The following MDGA2 variants were observed in gnomAD, a reference collection of about 807,000 sequenced individuals.
The protein encoded by MDGA2 is MAM domain containing glycosylphosphatidylinositol anchor 2.
Under a neutral mutation model 117.8 loss-of-function variants are expected in MDGA2, and 40 were observed. The observed-to-expected ratio is 0.34, with a 90% CI of 0.26 to 0.44. The LOEUF is 0.44. Ranked by LOEUF, MDGA2 falls within the 20% of genes least tolerant of loss-of-function variation. MDGA2 has a pLI of 1.00. For synonymous variants in MDGA2, 452 were observed against 439.0 expected (o/e 1.03, Z -0.37); for missense variants, 1,123 against 1,250.6 (o/e 0.90, Z 1.54).
At chr14:47,392,694 A>G (rs1360119258) in intron 1 of MDGA2, among the ~76,000 whole-genome samples, 1 of 152,138 alleles carries the variant, frequency 6.6e-6, no homozygotes, top group East Asian at 1.9e-4. Context: ...TTACATGGCA[A>G]TGTGGCTCAG....
intron 5 of MDGA2, among the ~76,000 whole-genome samples, chr14:47,119,356 G>A (rs141717546): frequency 6.6e-6 from 1 of 152,016 alleles, no homozygotes; most frequent in Non-Finnish European, 1.5e-5. Flanking sequence ...TGAGCCACCG[G>A]GCCCGGCCCT....
At chr14:47,530,946 A>G (rs1326921268) in intron 1 of MDGA2, among the ~76,000 whole-genome samples, 1 of 152,160 alleles carries the variant, frequency 6.6e-6, no homozygotes, top group Non-Finnish European at 1.5e-5. Flanking sequence ...ACTAAAGTTA[A>G]TTTTCCGTAT....
intron 1 of MDGA2, among the ~76,000 whole-genome samples, chr14:47,322,171 C>G (rs1346355864): frequency 6.6e-6 from 1 of 152,130 alleles, no homozygotes; most frequent in African/African-American, 2.4e-5. Flanking sequence ...AGTGGAGAAA[C>G]AGACTAACAG....
chr14:47,340,682 CAA>C (rs997703162), intron 1 of MDGA2, among the ~76,000 whole-genome samples: 1 of 152,138 alleles, frequency 6.6e-6, no homozygotes, highest in African/African-American at 2.4e-5. Context: ...AGAGCATCAG[CAA>C]AGAGTTTGCT....
At chr14:47,023,198 T>TAAAAAAAAAAAAAAAA (rs71985853) in intron 8 of MDGA2, among the ~76,000 whole-genome samples, 8 of 102,856 alleles carry the variant, frequency 7.8e-5, no homozygotes, top group African/African-American at 2.0e-4. Flanking sequence ...TTCCCACTCG[T>TAAAAAAAAAAAAAAAA]AAAAAAAAAA....
intron 2 of MDGA2, among the ~76,000 whole-genome samples, chr14:47,283,346 C>T (rs564984579): frequency 6.6e-6 from 1 of 152,254 alleles, no homozygotes; most frequent in African/African-American, 2.4e-5. Flanking sequence ...CTGGTATGCT[C>T]TTCTGAGAAG....
intron 1 of MDGA2, among the ~76,000 whole-genome samples, chr14:47,580,697 G>A (rs977912535): frequency 6.6e-6 from 1 of 151,920 alleles, no homozygotes; most frequent in Non-Finnish European, 1.5e-5. Flanking sequence ...TCTCTTGGAA[G>A]TCATTTTTTT....
At position 47,381,996 on chromosome 14, in the gene MDGA2, A is replaced by T. The variant is rs141506240; in HGVS notation, c.281-80446T>A. On this transcript the variant is annotated intron_variant, in intron 1 of 16. Transcript: ENST00000399232. ...GCTACAGTAGCATGGTACTGTTACC[A>T]AAACAGAGATAAAGACCAATGGAAC... 3.5e-4 allele frequency among the ~76,000 whole-genome samples: 54 copies of T among 152,358 alleles called. 1 individual carries two copies. The East Asian group carries it at 8.7e-3, about 24-fold the overall frequency.
chr14:47,076,581 T>TGC (rs1890504738), intron 6 of MDGA2, among the ~76,000 whole-genome samples: 1 of 151,052 alleles, frequency 6.6e-6, no homozygotes, highest in Admixed American at 6.6e-5. Flanking sequence ...TGTGTGTGTG[T>TGC]GTGTGTATTA....
intron 4 of MDGA2, among the ~76,000 whole-genome samples, chr14:47,138,314 CTAAT>C (rs1882554746): frequency 6.6e-6 from 1 of 151,832 alleles, no homozygotes; most frequent in Non-Finnish European, 1.5e-5. Context: ...TGATTATTGT[CTAAT>C]TGTATAATTA....
chr14:47,448,409 G>A (rs1000945268), intron 1 of MDGA2, among the ~76,000 whole-genome samples: 2 of 152,008 alleles, frequency 1.3e-5, no homozygotes, highest in Non-Finnish European at 2.9e-5. Context: ...CAAAGTGCTG[G>A]GATTACAGGC....
intron 6 of MDGA2, among the ~76,000 whole-genome samples, chr14:47,090,723 C>G (rs1165737251): frequency 6.6e-6 from 1 of 152,134 alleles, no homozygotes; most frequent in Admixed American, 6.6e-5. Context: ...CCATGCAGTT[C>G]TTGGAACACT....
intron 8 of MDGA2, among the ~76,000 whole-genome samples, chr14:46,963,915 C>A (rs1192905377): frequency 6.6e-6 from 1 of 152,098 alleles, no homozygotes; most frequent in Admixed American, 6.6e-5. Context: ...TAAAGATGTA[C>A]ACATTCTCTT....
chr14:46,848,346 GT>G (rs2138279426), intron 15 of MDGA2, among the ~76,000 whole-genome samples: 1 of 152,018 alleles, frequency 6.6e-6, no homozygotes, highest in East Asian at 1.9e-4. Context: ...CTTTCACTTA[GT>G]AAGTTCTTGT....
At chr14:47,612,421 A>T (rs1199567183) in intron 1 of MDGA2, among the ~76,000 whole-genome samples, 1 of 152,144 alleles carries the variant, frequency 6.6e-6, no homozygotes, top group Admixed American at 6.6e-5. Context: ...TAATACTTCA[A>T]AATGTTTTTT....
intron 15 of MDGA2, among the ~76,000 whole-genome samples, chr14:46,852,162 A>G (rs1242520364): frequency 3.3e-5 from 5 of 151,930 alleles, no homozygotes; most frequent in African/African-American, 1.2e-4. Flanking sequence ...AAATGCATCA[A>G]TTCAAACTAT....
chr14:47,579,913 T>C (rs1259307315), intron 1 of MDGA2, among the ~76,000 whole-genome samples: 1 of 152,112 alleles, frequency 6.6e-6, no homozygotes, highest in Non-Finnish European at 1.5e-5. Flanking sequence ...ATTATTAGTA[T>C]TATTACATGT....
chr14:46,900,337 C>G (rs1428437256), intron 10 of MDGA2, among the ~76,000 whole-genome samples: 1 of 152,152 alleles, frequency 6.6e-6, no homozygotes, highest in Non-Finnish European at 1.5e-5. Flanking sequence ...TACTACACCA[C>G]TCAGCAACTG....
At chr14:47,569,384 A>T (rs918489521) in intron 1 of MDGA2, among the ~76,000 whole-genome samples, 1 of 152,208 alleles carries the variant, frequency 6.6e-6, no homozygotes, top group African/African-American at 2.4e-5. Flanking sequence ...AGTGCATGGC[A>T]TTAACATGGC....
Sources: gnomAD v4.1 joint callset for allele counts (sites outside exome capture counted in the v4.1 genomes callset) on GRCh38, gnomAD v4.1.1 for gene constraint, MANE v1.5 for transcripts, NCBI Gene and HGNC (gene_info 2026-07-23, HGNC 2026-07-21) for gene names.